Variants in ISM1 observed in about 807,000 individuals in gnomAD.
ISM1 encodes the protein isthmin-1.
In ISM1, 25 loss-of-function variants were observed where a neutral mutation model predicts 46.3. The observed-to-expected ratio is 0.54, with a 90% CI of 0.39 to 0.75. ISM1 has a LOEUF of 0.75. Ranked by LOEUF, ISM1 falls within the 30% of genes least tolerant of loss-of-function variation. ISM1 has a pLI of 0.00. For missense variants in ISM1, 536 were observed against 625.4 expected (o/e 0.86, Z 1.52); for synonymous variants, 255 against 256.7 (o/e 0.99, Z 0.06).
chr20:13,263,343 C>T (rs965257657), intron 1 of ISM1, among the ~76,000 whole-genome samples: 29 of 151,824 alleles, frequency 1.9e-4, no homozygotes, highest in African/African-American at 6.8e-4. Context: ...CCCCCCACCA[C>T]CCCCTGCTTC....
At position 13,279,663 on chromosome 20, in the gene ISM1, C is replaced by T. The variant is rs945509677; in HGVS notation, c.408C>T (p.Asp136=). The change falls in exon 3 of 6, where the codon GAC becomes GAT. Residue 136 remains aspartate (D), a synonymous_variant. Coordinates refer to ENST00000262487, the MANE Select transcript of ISM1 (RefSeq NM_080826.2). ...CCATAGAGGTGGTCGACGGTCCTGA[C>T]TCTGAAGCAGATAAAGATCAGCATC... is the stretch of plus-strand genomic sequence containing the variant. ...QVTIEVVDGP[D]SEADKDQHPE... The T allele has an allele frequency of 7.4e-6, 12 of 1,613,808 alleles. No individual in the cohort carries two copies. The Admixed American group carries it at 1.5e-4, about 20-fold the overall frequency.
downstream of ISM1, among the ~76,000 whole-genome samples, chr20:13,301,765 G>A (rs1238289730): frequency 6.6e-6 from 1 of 152,074 alleles, no homozygotes; most frequent in African/African-American, 2.4e-5. Flanking sequence ...ATCCTGTCAG[G>A]ACAGGTATTC....
chr20:13,221,655 T>C lies in ISM1; in HGVS notation c.-122T>C, dbSNP rs962835028. Reference sequence around the variant, plus strand: ...CCCGCGGGCCCGGGAAGCGGAGCCCTGGCGGGAGCCGAGGCGGGAGCCGCG... The same window carrying C: ...CCCGCGGGCCCGGGAAGCGGAGCCCCGGCGGGAGCCGAGGCGGGAGCCGCG... On this transcript the variant is annotated 5_prime_UTR_variant, in exon 1 of 6. Transcript: ENST00000262487. 809 of 834,180 alleles carry C rather than the reference T, an allele frequency of 9.7e-4. 5 individuals are homozygous for C. In the African/African-American group the frequency reaches 0.014, roughly 14 times the overall value. The allele number at this position is 834,180 out of a possible 1,614,324, so 51.7% of individuals were successfully genotyped here.
chr20:13,302,513 T>G (rs1272245626), downstream of ISM1, among the ~76,000 whole-genome samples: 1 of 152,200 alleles, frequency 6.6e-6, no homozygotes, highest in Non-Finnish European at 1.5e-5. Context: ...GGCCCCAAGC[T>G]GGTGCCAGGG....
chr20:13,309,343 A>G, the ISM1 span, among the ~76,000 whole-genome samples: 1 of 152,150 alleles, frequency 6.6e-6, no homozygotes, highest in South Asian at 2.1e-4. Context: ...ATCTCAAGAG[A>G]TGAAGAGAGT....
intron 1 of ISM1, among the ~76,000 whole-genome samples, chr20:13,237,447 G>A (rs1191314283): frequency 6.6e-6 from 1 of 152,216 alleles, no homozygotes; most frequent in Admixed American, 6.5e-5. Flanking sequence ...AATGTTGAGT[G>A]AAGGAAACCA....
chr20:13,306,423 C>T, the ISM1 span, among the ~76,000 whole-genome samples: 2 of 152,072 alleles, frequency 1.3e-5, no homozygotes, highest in African/African-American at 4.8e-5. Flanking sequence ...TAAATTTTTA[C>T]ACCATTAGAC....
intron 5 of ISM1, among the ~76,000 whole-genome samples, chr20:13,294,517 C>T (rs1176488582): frequency 7.2e-5 from 11 of 152,216 alleles, no homozygotes; most frequent in Admixed American, 7.2e-4. Flanking sequence ...TTGCAGAACA[C>T]AGCCCAGATG....
At chr20:13,298,743 C>T (rs975065353) in intron 5 of ISM1, among the ~76,000 whole-genome samples, 199 bp from the exon 6 acceptor site, 1 of 152,070 alleles carries the variant, frequency 6.6e-6, no homozygotes, top group Admixed American at 6.5e-5. Flanking sequence ...GACGTGAGAA[C>T]GGCCATCCAC....
chr20:13,322,399 C>T, the ISM1 span, among the ~76,000 whole-genome samples: 7 of 152,170 alleles, frequency 4.6e-5, no homozygotes, highest in Admixed American at 1.3e-4. Context: ...GACTGTATTT[C>T]TCTCTCCAAC....
intron 1 of ISM1, among the ~76,000 whole-genome samples, chr20:13,227,027 A>G (rs1282141473): frequency 6.6e-6 from 1 of 152,106 alleles, no homozygotes; most frequent in Non-Finnish European, 1.5e-5. Flanking sequence ...CTTTTAGGTG[A>G]CTGTATTTTT....
chr20:13,295,683 C>G (rs745866150), intron 5 of ISM1, among the ~76,000 whole-genome samples: 1 of 152,196 alleles, frequency 6.6e-6, no homozygotes, highest in Admixed American at 6.5e-5. Context: ...GCTTTCAGAT[C>G]GAGGTGCATG....
chr20:13,238,273 T>C (rs2039675844), intron 1 of ISM1, among the ~76,000 whole-genome samples: 2 of 152,198 alleles, frequency 1.3e-5, no homozygotes, highest in South Asian at 2.1e-4. Flanking sequence ...ATTTGAATTA[T>C]ATTTTTATGC....
chr20:13,311,255 A>AGAT, the ISM1 span, among the ~76,000 whole-genome samples: 1,282 of 132,500 alleles, frequency 9.7e-3, 20 homozygotes, highest in African/African-American at 0.036. Flanking sequence ...ATAGATAGAT[A>AGAT]GATAGATAGA....
At chr20:13,289,837 A>G (rs1462292656) in intron 4 of ISM1, among the ~76,000 whole-genome samples, 3 of 152,190 alleles carry the variant, frequency 2.0e-5, no homozygotes, top group Admixed American at 6.5e-5. Context: ...GCCTAAAATA[A>G]TATCTTAGAG....
intron 5 of ISM1, among the ~76,000 whole-genome samples, chr20:13,297,555 A>T (rs950204201): frequency 6.6e-6 from 1 of 152,242 alleles, no homozygotes; most frequent in Non-Finnish European, 1.5e-5. Flanking sequence ...TCCTGGACTC[A>T]GATGACTGAG....
chr20:13,302,109 TA>T, downstream of ISM1, among the ~76,000 whole-genome samples: 1 of 152,210 alleles, frequency 6.6e-6, no homozygotes, highest in Non-Finnish European at 1.5e-5. Context: ...GAGCCATGTC[TA>T]AGGTATTTTT....
the ISM1 span, among the ~76,000 whole-genome samples, chr20:13,312,414 G>GA: frequency 1.3e-5 from 2 of 152,180 alleles, no homozygotes; most frequent in African/African-American, 4.8e-5. Context: ...CAGCCTTGCT[G>GA]GTTCCTCCAA....
chr20:13,227,661 A>G (rs567877131), intron 1 of ISM1, among the ~76,000 whole-genome samples: 1 of 150,842 alleles, frequency 6.6e-6, no homozygotes, highest in South Asian at 2.1e-4. Context: ...GGCGCCCGCC[A>G]CCATGCCTGG....
Sources: allele counts gnomAD v4.1 joint callset (sites outside exome capture counted in the v4.1 genomes callset), GRCh38; gene constraint gnomAD v4.1.1; transcripts MANE v1.5; gene names NCBI Gene and HGNC (gene_info 2026-07-23, HGNC 2026-07-21).